GRM7: variants seen among roughly 807,000 people sequenced by gnomAD.
GRM7 encodes glutamate metabotropic receptor 7, also known as metabotropic glutamate receptor 7.
Under a neutral mutation model 84.5 loss-of-function variants are expected in GRM7, and 35 were observed. The observed-to-expected ratio is 0.41, with a 90% confidence interval of 0.32 to 0.55. GRM7 has a LOEUF of 0.55. Among genes scored for constraint, GRM7 ranks in the 20% least tolerant of loss-of-function variants. The pLI, the probability that GRM7 is intolerant of heterozygous loss-of-function variation, is 0.19. For missense variants in GRM7, 1,003 were observed against 1,194.6 expected, an observed-to-expected ratio of 0.84 and a Z score of 2.36; for synonymous variants, 487 against 455.1, an observed-to-expected ratio of 1.07 and a Z score of -0.89.
chr3:7,319,617 G>A (rs1257338359), intron 4 of GRM7, among the ~76,000 whole-genome samples: 1 of 152,006 alleles, frequency 6.6e-6, no homozygotes, highest in Non-Finnish European at 1.5e-5. Flanking sequence ...TATGGCAAAA[G>A]AGTCTAGGAC....
intron 7 of GRM7, among the ~76,000 whole-genome samples, chr3:7,484,937 T>C (rs372887958): frequency 6.6e-6 from 1 of 152,208 alleles, no homozygotes. Context: ...TTATACTGTT[T>C]CTTGCTTGCT....
chr3:7,028,338 CAA>C (rs954856064), intron 1 of GRM7, among the ~76,000 whole-genome samples: 2 of 152,122 alleles, frequency 1.3e-5, no homozygotes, highest in African/African-American at 4.8e-5. Context: ...ATTAAAAGTA[CAA>C]AACAGTTAGC....
intron 5 of GRM7, among the ~76,000 whole-genome samples, chr3:7,443,314 CT>C (rs1226846546): frequency 6.6e-6 from 1 of 152,092 alleles, no homozygotes; most frequent in Non-Finnish European, 1.5e-5. Context: ...CAGCATGCAA[CT>C]TTAAGATATA....
intron 7 of GRM7, among the ~76,000 whole-genome samples, chr3:7,524,004 C>G (rs535649146): frequency 8.4e-4 from 128 of 152,180 alleles, no homozygotes; most frequent in African/African-American, 2.9e-3. Context: ...CTATCTTGCT[C>G]CTAGAGAGAT....
At chr3:7,059,216 T>A (rs1235549245) in intron 1 of GRM7, among the ~76,000 whole-genome samples, 1 of 151,750 alleles carries the variant, frequency 6.6e-6, no homozygotes, top group Non-Finnish European at 1.5e-5. Context: ...CATCAATATA[T>A]TTTTTCAGTA....
intron 1 of GRM7, among the ~76,000 whole-genome samples, chr3:7,068,404 C>T (rs757436656): frequency 3.3e-5 from 5 of 151,956 alleles, no homozygotes; most frequent in Non-Finnish European, 5.9e-5. Flanking sequence ...AGGCCTGCAC[C>T]ATCAAGTAAT....
chr3:7,593,070 T>G (rs1695870497), intron 8 of GRM7, among the ~76,000 whole-genome samples: 1 of 152,180 alleles, frequency 6.6e-6, no homozygotes, highest in East Asian at 1.9e-4. Flanking sequence ...CTAGTTAGAG[T>G]ATCTTTTCAA....
chr3:7,061,354 A>G (rs1697428510), intron 1 of GRM7, among the ~76,000 whole-genome samples: 1 of 151,736 alleles, frequency 6.6e-6, no homozygotes, highest in Admixed American at 6.6e-5. Flanking sequence ...AAAGTTCATA[A>G]CTCATTTTAT....
chr3:6,979,271 C>G (rs1163326334), intron 1 of GRM7, among the ~76,000 whole-genome samples: 1 of 152,072 alleles, frequency 6.6e-6, no homozygotes, highest in Non-Finnish European at 1.5e-5. Flanking sequence ...TCATCTCAAG[C>G]CACGCTACAT....
chr3:7,024,271 C>T (rs1430381706), intron 1 of GRM7, among the ~76,000 whole-genome samples: 2 of 152,240 alleles, frequency 1.3e-5, no homozygotes, highest in East Asian at 3.9e-4. Flanking sequence ...GGCTTAATGT[C>T]TAAACCTTCT....
chr3:6,892,070 G>T (rs1358209183), intron 1 of GRM7, among the ~76,000 whole-genome samples: 2 of 152,092 alleles, frequency 1.3e-5, no homozygotes, highest in Admixed American at 6.6e-5. Flanking sequence ...TCGAGCCTTG[G>T]CTTTCAGCTC....
intron 1 of GRM7, among the ~76,000 whole-genome samples, chr3:7,105,447 G>C (rs1699258116): frequency 6.6e-6 from 1 of 151,854 alleles, no homozygotes; most frequent in South Asian, 2.1e-4. Flanking sequence ...TTTTGTTTAA[G>C]CAGTGTTAGA....
intron 7 of GRM7, among the ~76,000 whole-genome samples, chr3:7,479,754 G>A (rs1271398560): frequency 2.6e-5 from 4 of 152,006 alleles, no homozygotes; most frequent in Non-Finnish European, 5.9e-5. Flanking sequence ...ATTGGTCAAG[G>A]TTTATAGGCA....
intron 1 of GRM7, among the ~76,000 whole-genome samples, chr3:7,081,279 G>T (rs1303368405): frequency 6.6e-6 from 1 of 151,956 alleles, no homozygotes; most frequent in Non-Finnish European, 1.5e-5. Flanking sequence ...CTCACTTCAT[G>T]TCTCTATGTC....
At chr3:7,129,295 A>G (rs1273781695) in intron 1 of GRM7, among the ~76,000 whole-genome samples, 3 of 152,204 alleles carry the variant, frequency 2.0e-5, no homozygotes, top group African/African-American at 7.2e-5. Context: ...TTAGCCACAC[A>G]TAAATGATCA....
At chr3:6,897,314 C>T (rs1337487170) in intron 1 of GRM7, among the ~76,000 whole-genome samples, 1 of 152,204 alleles carries the variant, frequency 6.6e-6, no homozygotes, top group Non-Finnish European at 1.5e-5. Context: ...ATTCTTGGGC[C>T]TTGCCCTAGA....
chr3:7,093,636 C>A (rs1245167542), intron 1 of GRM7, among the ~76,000 whole-genome samples: 1 of 128,568 alleles, frequency 7.8e-6, no homozygotes, highest in African/African-American at 3.0e-5. Context: ...TAGATCACAC[C>A]ACTGCACTCC....
chr3:7,735,347 A>G (rs1702468758), intron 9 of GRM7, among the ~76,000 whole-genome samples: 1 of 152,222 alleles, frequency 6.6e-6, no homozygotes. Flanking sequence ...TACTTCCAAA[A>G]GTATGTTCTT....
At chr3:7,165,595 A>G (rs923078900) in intron 2 of GRM7, among the ~76,000 whole-genome samples, 2 of 152,232 alleles carry the variant, frequency 1.3e-5, no homozygotes, top group African/African-American at 4.8e-5. Context: ...GAATAATTCC[A>G]ATAGGGTACA....
Sources: gnomAD v4.1 joint callset for allele counts (sites outside exome capture counted in the v4.1 genomes callset) on GRCh38, gnomAD v4.1.1 for gene constraint, MANE v1.5 for transcripts, NCBI Gene and HGNC (gene_info 2026-07-23, HGNC 2026-07-21) for gene names.